The following KIF27 variants were observed in gnomAD, a reference collection of about 807,000 sequenced individuals.
The protein encoded by KIF27 is kinesin-like protein KIF27.
KIF27 carries 84 observed loss-of-function variants against 141.8 expected under a neutral mutation model. The ratio of observed to expected loss-of-function variants is 0.59; its 90% CI spans 0.50 to 0.71. The LOEUF is 0.71. Among genes scored for constraint, KIF27 ranks in the 30% least tolerant of loss-of-function variants. KIF27 has a pLI of 0.00. For missense variants in KIF27, 1,306 were observed against 1,628.4 expected (o/e 0.80, Z 3.41); for synonymous variants, 471 against 569.5 (o/e 0.83, Z 2.46).
At chr9:83,917,904 C>A (rs1955853422) in intron 1 of KIF27, among the ~76,000 whole-genome samples, 1 of 152,056 alleles carries the variant, frequency 6.6e-6, no homozygotes, top group Non-Finnish European at 1.5e-5. Context: ...TCAGATATGA[C>A]ACCAAAAGCA....
At chr9:83,897,464 T>C (rs1324538633) in intron 5 of KIF27, among the ~76,000 whole-genome samples, 1 of 152,160 alleles carries the variant, frequency 6.6e-6, no homozygotes, top group African/African-American at 2.4e-5. Flanking sequence ...CAGAAATCAA[T>C]TCCTGGAGGA....
intron 13 of KIF27, among the ~76,000 whole-genome samples, chr9:83,864,104 T>G (rs532130043): frequency 2.0e-5 from 3 of 152,304 alleles, no homozygotes; most frequent in Non-Finnish European, 4.4e-5. Context: ...TCCATCAATT[T>G]TCTTGATCTC....
In KIF27 at chr9:83,837,037, G is replaced by A. The variant is rs1369265609; in HGVS notation, c.4170C>T (p.Ile1390=). The A allele has an allele frequency of 1.1e-5, 17 of 1,613,788 alleles. No homozygotes were observed. The highest frequency in any genetic ancestry group is 1.6e-4 in the Middle Eastern group (1 of 6,078). ...AGTCCCTTGGTTTCCTAGATACTTC[G>A]ATGGAATCAGCAGCCATTGATCCAA... ...VGIGSMAADS[I]EVSRKPRDLK... Residue 1390 remains isoleucine, a synonymous_variant, in exon 18 of 18, where the codon ATC becomes ATT. Coordinates refer to ENST00000297814, the MANE Select transcript of KIF27 (RefSeq NM_017576.4).
Position 83,867,712 on chromosome 9 carries a change from A to T in KIF27, c.2906T>A (p.Leu969Gln). 1 of 1,601,982 alleles carries T rather than the reference A, an allele frequency of 6.2e-7. No homozygotes were observed. Among genetic ancestry groups the T allele is most frequent in the Non-Finnish European group, 8.5e-7 (1 of 1,177,004 alleles). ...ACTAGATCTCAATTTCTTATTTTCC[A>T]GGTGACTCTTCTCCTGTAACAGAGC... ...KEALLQEKSH[L>Q]ENKKLRSSQA... The change falls in exon 13 of 18, where the codon CTG becomes CAG. Residue 969 changes from leucine to glutamine, a missense_variant. Around this residue, in one of 4 missense-constraint regions of KIF27, gnomAD observed 596 missense variants for 751.6 expected, o/e 0.79. Coordinates refer to ENST00000297814, the MANE Select transcript of KIF27 (RefSeq NM_017576.4).
chr9:83,847,217 C>T (rs35724757), intron 16 of KIF27, among the ~76,000 whole-genome samples: 7 of 152,182 alleles, frequency 4.6e-5, no homozygotes, highest in South Asian at 2.1e-4. Context: ...ATACCAGCTA[C>T]GACCATGTGA....
At chr9:83,867,607 T>C (rs1950476786) in intron 13 of KIF27, 77 bp downstream of exon 13, 13 of 1,448,690 alleles carry the variant, frequency 9.0e-6, no homozygotes, top group Non-Finnish European at 1.1e-5. Context: ...TTATTATGTT[T>C]TTCTGATTAT....
At chr9:83,870,269 C>A (rs568803752) in intron 12 of KIF27, among the ~76,000 whole-genome samples, 2 of 152,154 alleles carry the variant, frequency 1.3e-5, no homozygotes, top group South Asian at 4.1e-4. Context: ...AGGGTTCAAG[C>A]GATTCTCCTG....
intron 16 of KIF27, among the ~76,000 whole-genome samples, chr9:83,846,692 C>T (rs34966106): frequency 6.6e-6 from 1 of 152,214 alleles, no homozygotes; most frequent in African/African-American, 2.4e-5. Flanking sequence ...GCACCACCCA[C>T]CATCACCCCT....
rs752099024 is a variant in KIF27, at chr9:83,883,845, T to C, written c.2413A>G (p.Lys805Glu). 2.5e-6 allele frequency: 4 copies of C among 1,613,090 alleles called. No individual in the cohort carries two copies. The highest frequency in any genetic ancestry group is 3.4e-6 in the Non-Finnish European group (4 of 1,179,402). The stretch of plus-strand genomic sequence containing the variant: ...CTCAGCTTTGCAGCATCCATCTTTT[T>C]ACGAAACTCTTTCTGTAATTTTACC... ...MKVKLQKEFR[K>E]KMDAAKLRVQ... Residue 805 changes from lysine to glutamate, a missense_variant, in exon 10 of 18, where the codon AAA becomes GAA. Lys to Glu is a moderately conservative substitution (Grantham distance 56). This residue lies in a region of KIF27 where 596 missense variants were observed against 751.6 expected (regional missense o/e 0.79). Transcript: ENST00000297814.
At chr9:83,891,553 AGATT>A in intron 5 of KIF27, 52 bp from the exon 6 acceptor site, 1 of 1,475,948 alleles carries the variant, frequency 6.8e-7, no homozygotes, top group Non-Finnish European at 9.2e-7. Context: ...CAGTACATTT[AGATT>A]ATGATTAAAA....
intron 5 of KIF27, among the ~76,000 whole-genome samples, chr9:83,893,906 G>C (rs1256565015): frequency 6.6e-6 from 1 of 151,392 alleles, no homozygotes; most frequent in African/African-American, 2.4e-5. Context: ...GTGAGAGAAG[G>C]CACAAATAAT....
intron 13 of KIF27, among the ~76,000 whole-genome samples, chr9:83,862,122 G>C (rs1485971192): frequency 6.6e-6 from 1 of 151,968 alleles, no homozygotes; most frequent in African/African-American, 2.4e-5. Context: ...CCATTCTGTA[G>C]GTTGCCTGTT....
intron 16 of KIF27, among the ~76,000 whole-genome samples, chr9:83,843,580 A>T (rs967414726): frequency 2.8e-4 from 42 of 152,356 alleles, no homozygotes; most frequent in African/African-American, 7.5e-4. Context: ...AAAAATACTT[A>T]AAATTAATGA....
chr9:83,858,120 G>A (rs1331364008), intron 14 of KIF27, among the ~76,000 whole-genome samples: 1 of 152,010 alleles, frequency 6.6e-6, no homozygotes, highest in East Asian at 1.9e-4. Flanking sequence ...TACCTTGGGA[G>A]GACAGCCTGG....
chr9:83,847,247 C>T (rs1357050897), intron 16 of KIF27, among the ~76,000 whole-genome samples: 1 of 152,204 alleles, frequency 6.6e-6, no homozygotes, highest in Non-Finnish European at 1.5e-5. Flanking sequence ...GAAACGAGGA[C>T]TGTAACTGTC....
chr9:83,885,471 T>C (rs1373978204), intron 9 of KIF27, among the ~76,000 whole-genome samples: 3 of 152,218 alleles, frequency 2.0e-5, no homozygotes, highest in African/African-American at 7.2e-5. Context: ...TTTAACTAAA[T>C]GCAGTGTGAA....
intron 13 of KIF27, among the ~76,000 whole-genome samples, chr9:83,866,169 C>T (rs1439971824): frequency 6.6e-6 from 1 of 151,992 alleles, no homozygotes; most frequent in Non-Finnish European, 1.5e-5. Flanking sequence ...CTTTATGCTA[C>T]TCCTGCCTTC....
intron 3 of KIF27, among the ~76,000 whole-genome samples, chr9:83,905,621 T>C (rs1954437816): frequency 6.6e-6 from 1 of 152,226 alleles, no homozygotes; most frequent in South Asian, 2.1e-4. Flanking sequence ...TCATTTAAAG[T>C]CCTGTAAGTC....
At chr9:83,866,950 C>A (rs557849025) in intron 13 of KIF27, among the ~76,000 whole-genome samples, 6 of 132,386 alleles carry the variant, frequency 4.5e-5, no homozygotes, top group Admixed American at 3.0e-4. Context: ...TTTTATTCAC[C>A]CCCCCCCCAA....
Sources: gnomAD v4.1 joint callset for allele counts (sites outside exome capture counted in the v4.1 genomes callset) on GRCh38, gnomAD v4.1.1 for gene constraint, gnomAD v4.1.1 regional missense constraint, MANE v1.5 for transcripts, NCBI Gene and HGNC (gene_info 2026-07-23, HGNC 2026-07-21) for gene names.